Variants in MYCBP2 observed in about 807,000 individuals in gnomAD.
MYCBP2 encodes MYC binding protein 2.
A neutral mutation model predicts 525.3 loss-of-function variants in MYCBP2; 120 were observed. That is an observed-to-expected ratio of 0.23 (90% CI 0.20 to 0.27). MYCBP2 has a LOEUF of 0.27. MYCBP2 is among the 10% of genes least tolerant of loss of function. The pLI is 1.00. For synonymous variants in MYCBP2, 1,894 were observed against 1,955.8 expected, an observed-to-expected ratio of 0.97 and a Z score of 0.83; for missense variants, 4,149 against 5,657.1, an observed-to-expected ratio of 0.73 and a Z score of 8.55.
intron 4 of MYCBP2, 67 bp downstream of exon 4, chr13:77,278,691 T>C (rs1287300612): frequency 2.4e-6 from 3 of 1,266,046 alleles, no homozygotes; most frequent in Middle Eastern, 2.5e-4. Flanking sequence ...AATTTTGAAG[T>C]GTACAATACT....
In MYCBP2 at chr13:77,199,234, G is replaced by A. The variant is rs537435306; in HGVS notation, c.3844-4990C>T. Among the ~76,000 whole-genome samples the A allele has an allele frequency of 5.5e-4, 84 of 152,352 alleles. 1 individual carries two copies. In the South Asian group the frequency reaches 0.011, roughly 20 times the overall value. On this transcript the variant is annotated intron_variant, in intron 26 of 82. Coordinates refer to ENST00000544440, the MANE Select transcript of MYCBP2 (RefSeq NM_015057.5). ...CGAGGCATTGCCTCACTCGGGAAGC[G>A]CAAGGGGTCAGGGAGTTCCCTTTCC...
chr13:77,325,372 A>C (rs2082162720), intron 1 of MYCBP2, among the ~76,000 whole-genome samples: 1 of 152,354 alleles, frequency 6.6e-6, no homozygotes, highest in African/African-American at 2.4e-5. Context: ...AAAAAGATGA[A>C]GCCAACTCCC....
At chr13:77,287,776 T>C (rs1374422594) in intron 3 of MYCBP2, among the ~76,000 whole-genome samples, 1 of 152,140 alleles carries the variant, frequency 6.6e-6, no homozygotes, top group Non-Finnish European at 1.5e-5. Flanking sequence ...TCCAGGGCTC[T>C]TGGCTTTCTC....
intron 43 of MYCBP2, among the ~76,000 whole-genome samples, chr13:77,163,797 C>T (rs569427089): frequency 6.6e-6 from 1 of 152,278 alleles, no homozygotes; most frequent in South Asian, 2.1e-4. Context: ...ATACAAGCAA[C>T]CAACAAGTCT....
At chr13:77,313,932 G>T (rs1468176087) in intron 1 of MYCBP2, among the ~76,000 whole-genome samples, 2 of 148,586 alleles carry the variant, frequency 1.3e-5, no homozygotes, top group African/African-American at 5.0e-5. Context: ...TGTCATCAGA[G>T]AAATGAAAAA....
chr13:77,266,976 A>G (rs1336632690), intron 8 of MYCBP2, among the ~76,000 whole-genome samples: 1 of 152,090 alleles, frequency 6.6e-6, no homozygotes, highest in East Asian at 1.9e-4. Context: ...TTTAAAAATA[A>G]ACATGCAGCC....
intron 8 of MYCBP2, among the ~76,000 whole-genome samples, chr13:77,266,655 G>C (rs1033540071): frequency 6.7e-6 from 1 of 149,866 alleles, no homozygotes; most frequent in African/African-American, 2.5e-5. Flanking sequence ...ATATGTGGGG[G>C]GAGTGTGCAT....
At chr13:77,107,539 C>T (rs1374588261) in intron 55 of MYCBP2, among the ~76,000 whole-genome samples, 1 of 151,934 alleles carries the variant, frequency 6.6e-6, no homozygotes, top group East Asian at 1.9e-4. Flanking sequence ...GAGTTTGAGA[C>T]CAGCTTAGGC....
chr13:77,199,192 C>A (rs141738031), intron 26 of MYCBP2, among the ~76,000 whole-genome samples: 1 of 152,198 alleles, frequency 6.6e-6, no homozygotes, highest in Non-Finnish European at 1.5e-5. Flanking sequence ...GCGCACCATG[C>A]GCGAGCTGAA....
At chr13:77,311,469 A>G (rs2080198909) in intron 1 of MYCBP2, among the ~76,000 whole-genome samples, 1 of 152,180 alleles carries the variant, frequency 6.6e-6, no homozygotes, top group Non-Finnish European at 1.5e-5. Flanking sequence ...CAATGACTGG[A>G]AGGCAACCAC....
At chr13:77,322,058 G>A (rs1185873570) in intron 1 of MYCBP2, among the ~76,000 whole-genome samples, 1 of 152,196 alleles carries the variant, frequency 6.6e-6, no homozygotes, top group East Asian at 1.9e-4. Context: ...TACTGGAGGA[G>A]ACTGAGGCAG....
rs745784040 is a variant in MYCBP2 at position 77,206,729 on chromosome 13, G to C, written c.3513C>G (p.Ile1171Met). 3 of 1,613,024 alleles carry C rather than the reference G, an allele frequency of 1.9e-6. No individual in the cohort carries two copies. Among genetic ancestry groups the C allele is most frequent in the South Asian group, 2.2e-5 (2 of 90,944 alleles). Reference protein sequence around the residue: ...SAADMQSRCSILSPELALPTG... With the variant: ...SAADMQSRCSMLSPELALPTG... ...TTGGTAAGGCAAGTTCAGGACTTAG[G>C]ATACTACATCTGGACTGCATGTCTG... The change falls in exon 24 of 83, where the codon ATC becomes ATG. Residue 1171 changes from isoleucine (I) to methionine (M), a missense_variant. Ile to Met is a conservative substitution (Grantham distance 10). Transcript: ENST00000544440.
At chr13:77,231,371 CAGGCATGTGCCACCA>C (rs2067110138) in intron 18 of MYCBP2, among the ~76,000 whole-genome samples, 1 of 152,198 alleles carries the variant, frequency 6.6e-6, no homozygotes, top group Non-Finnish European at 1.5e-5. Flanking sequence ...CCTGGGATTA[CAGGCATGTGCCACCA>C]CACTGGGCTT....
At chr13:77,206,963 G>A in intron 23 of MYCBP2, 138 bp from the exon 24 acceptor site, 1 of 653,172 alleles carries the variant, frequency 1.5e-6, no homozygotes, top group African/African-American at 1.8e-5. Flanking sequence ...ATTATCTTCT[G>A]GATCTAAGCT....
chr13:77,280,541 T>C (rs1050465133), intron 3 of MYCBP2, among the ~76,000 whole-genome samples: 1 of 152,198 alleles, frequency 6.6e-6, no homozygotes, highest in Non-Finnish European at 1.5e-5. Context: ...CAACCATGAT[T>C]TTTCATAAAT....
At chr13:77,046,219 A>G (rs1362324282) in intron 82 of MYCBP2, among the ~76,000 whole-genome samples, 3 of 152,246 alleles carry the variant, frequency 2.0e-5, no homozygotes, top group African/African-American at 7.2e-5. Flanking sequence ...CATGGGTTTC[A>G]TATCATTTAG....
At chr13:77,275,747 G>A (rs961550974) in intron 4 of MYCBP2, among the ~76,000 whole-genome samples, 12 of 152,196 alleles carry the variant, frequency 7.9e-5, no homozygotes, top group African/African-American at 2.9e-4. Flanking sequence ...ATTTTGGGAG[G>A]CTGAGGTGGG....
intron 1 of MYCBP2, among the ~76,000 whole-genome samples, chr13:77,304,849 G>A (rs2079209605): frequency 6.6e-6 from 1 of 151,768 alleles, no homozygotes; most frequent in Non-Finnish European, 1.5e-5. Flanking sequence ...TTACCAATAT[G>A]AGAAATAAGA....
intron 47 of MYCBP2, among the ~76,000 whole-genome samples, chr13:77,147,384 A>G (rs1048674803): frequency 3.3e-5 from 5 of 152,138 alleles, no homozygotes; most frequent in African/African-American, 1.2e-4. Flanking sequence ...TGTAAAGACA[A>G]AAATGGGCTG....
Sources: allele counts gnomAD v4.1 joint callset (sites outside exome capture counted in the v4.1 genomes callset), GRCh38; gene constraint gnomAD v4.1.1; transcripts MANE v1.5; gene names NCBI Gene and HGNC (gene_info 2026-07-23, HGNC 2026-07-21).